Variants in FGD3 observed in about 807,000 individuals in gnomAD.
The protein encoded by FGD3 is FYVE, RhoGEF and PH domain containing 3.
FGD3 carries 45 observed loss-of-function variants against 71.8 expected under a neutral mutation model. The observed-to-expected ratio is 0.63, with a 90% CI of 0.49 to 0.80. The LOEUF (loss-of-function observed/expected upper bound fraction) is 0.80. Ranked by LOEUF, FGD3 falls within the 30% of genes least tolerant of loss-of-function variation. The pLI, the probability that FGD3 is intolerant of heterozygous loss-of-function variation, is 0.00. For synonymous variants in FGD3, 378 were observed against 392.8 expected, an observed-to-expected ratio of 0.96 and a Z score of 0.44; for missense variants, 844 against 951.5, an observed-to-expected ratio of 0.89 and a Z score of 1.49.
intron 1 of FGD3, among the ~76,000 whole-genome samples, chr9:92,972,938 C>G (rs951756968): frequency 6.6e-6 from 1 of 152,004 alleles, no homozygotes; most frequent in Non-Finnish European, 1.5e-5. Context: ...TAATGTGGGC[C>G]TTCTTACATT....
intron 3 of FGD3, among the ~76,000 whole-genome samples, chr9:92,978,095 C>A (rs1859837026): frequency 6.6e-6 from 1 of 152,000 alleles, no homozygotes; most frequent in South Asian, 2.1e-4. Flanking sequence ...CCAGCCTGAC[C>A]AACACGGAGA....
At chr9:93,017,493 A>G (rs917150117) in intron 10 of FGD3, among the ~76,000 whole-genome samples, 7 of 151,952 alleles carry the variant, frequency 4.6e-5, no homozygotes, top group African/African-American at 1.7e-4. Context: ...CAGTCCCCCA[A>G]CTACCCCACT....
intron 3 of FGD3, among the ~76,000 whole-genome samples, chr9:92,983,693 A>G (rs1410150100): frequency 2.0e-5 from 3 of 152,214 alleles, no homozygotes; most frequent in Non-Finnish European, 4.4e-5. Context: ...CCAATGTTCA[A>G]TTTATGGAAA....
chr9:93,014,896 G>C (rs1354913418), intron 9 of FGD3, among the ~76,000 whole-genome samples: 1 of 151,992 alleles, frequency 6.6e-6, no homozygotes, highest in Non-Finnish European at 1.5e-5. Flanking sequence ...CCCACCCAAA[G>C]TGCTGGGATT....
intron 3 of FGD3, among the ~76,000 whole-genome samples, chr9:92,995,454 A>G (rs1372278849): frequency 6.6e-6 from 1 of 152,140 alleles, no homozygotes; most frequent in Non-Finnish European, 1.5e-5. Context: ...TTCCTAATTG[A>G]ATATGCTTTA....
At chr9:92,952,660 C>A (rs1266846034) in intron 1 of FGD3, among the ~76,000 whole-genome samples, 1 of 152,006 alleles carries the variant, frequency 6.6e-6, no homozygotes, top group Admixed American at 6.6e-5. Context: ...CTCCTTCCCC[C>A]TCTTTCTCCT....
At chr9:93,014,486 C>T (rs2118764066) in intron 9 of FGD3, among the ~76,000 whole-genome samples, 1 of 151,974 alleles carries the variant, frequency 6.6e-6, no homozygotes. Flanking sequence ...CCTCTAGCTT[C>T]TGATTCTCCT....
At chr9:93,001,991 G>C (rs1860873373) in intron 3 of FGD3, among the ~76,000 whole-genome samples, 1 of 152,126 alleles carries the variant, frequency 6.6e-6, no homozygotes, top group South Asian at 2.1e-4. Flanking sequence ...CTATGTGAGG[G>C]GATAGTGTTC....
intron 1 of FGD3, among the ~76,000 whole-genome samples, chr9:92,972,145 T>C (rs1365842087): frequency 6.6e-6 from 1 of 151,876 alleles, no homozygotes; most frequent in Non-Finnish European, 1.5e-5. Context: ...TATTCCCTTT[T>C]TAAAAATGGT....
chr9:93,010,473 G>A, intron 7 of FGD3, 89 bp downstream of exon 7: 1 of 1,382,110 alleles, frequency 7.2e-7, no homozygotes, highest in South Asian at 1.4e-5. Flanking sequence ...GAGAGTCGTG[G>A]GGTCATGGGG....
intron 10 of FGD3, among the ~76,000 whole-genome samples, chr9:93,016,450 G>T (rs1861695930): frequency 6.8e-6 from 1 of 146,104 alleles, no homozygotes; most frequent in Admixed American, 7.3e-5. Flanking sequence ...GGATTCTCCT[G>T]CCTCACCCTC....
At chr9:93,029,757 C>CT in intron 14 of FGD3, 117 bp from the exon 15 acceptor site, 1 of 1,381,828 alleles carries the variant, frequency 7.2e-7, no homozygotes, top group Non-Finnish European at 9.8e-7. Context: ...GCATGTTCCA[C>CT]TTTTTGCCTT....
chr9:93,017,963 C>T (rs1364388828), intron 10 of FGD3, among the ~76,000 whole-genome samples, 173 bp from the exon 11 acceptor site: 2 of 152,166 alleles, frequency 1.3e-5, no homozygotes, highest in African/African-American at 4.8e-5. Context: ...TGGACCAGCT[C>T]ATGTAGCAGC....
chr9:93,002,348 C>T (rs1331108584), intron 3 of FGD3, among the ~76,000 whole-genome samples: 2 of 152,140 alleles, frequency 1.3e-5, no homozygotes, highest in South Asian at 4.1e-4. Context: ...TTTTGGGAGG[C>T]TGAGGCGGGC....
At position 93,032,893 on chromosome 9, in the gene FGD3, G is replaced by A; in HGVS notation, c.1785+20G>A. On this transcript the variant is annotated intron_variant, in intron 16 of 17. Coordinates refer to ENST00000375482, the MANE Select transcript of FGD3 (RefSeq NM_001083536.2). ...ACAGAGGTGGGTGCTCCCAGCTCCT[G>A]CTCCCCTCCTGGTGGCGCGGCAGAG... The A allele has an allele frequency of 2.5e-6, 4 of 1,607,278 alleles. No homozygotes were observed. Among genetic ancestry groups the A allele is most frequent in the Middle Eastern group, 3.3e-4 (2 of 6,050 alleles).
intron 15 of FGD3, among the ~76,000 whole-genome samples, chr9:93,030,915 G>A (rs1264350054): frequency 7.2e-5 from 11 of 152,130 alleles, no homozygotes; most frequent in Non-Finnish European, 1.3e-4. Flanking sequence ...ATGAATGGAA[G>A]TGGATATATA....
Position 92,976,569 on chromosome 9 carries a change from C to CT in FGD3, c.314dup (p.Ala107GlyfsTer26). 1 of 1,612,720 alleles carries CT rather than the reference C, an allele frequency of 6.2e-7. No individual in the cohort carries two copies. Among genetic ancestry groups the CT allele is most frequent in the Non-Finnish European group, 8.5e-7 (1 of 1,179,886 alleles). On this transcript the variant is annotated frameshift_variant, in exon 3 of 18. Coordinates refer to ENST00000375482, the MANE Select transcript of FGD3 (RefSeq NM_001083536.2). LOFTEE classifies it high-confidence loss of function. ...GGAGGCTGGCCCAAGCCCCACTGTACTGGGGGCGCACGCAGAGATGGCCCT... is the reference window on the plus strand; with the variant it reads ...GGAGGCTGGCCCAAGCCCCACTGTACTTGGGGGCGCACGCAGAGATGGCCCT...
intron 5 of FGD3, among the ~76,000 whole-genome samples, chr9:93,004,355 A>C (rs574734856): frequency 6.6e-6 from 1 of 152,342 alleles, no homozygotes; most frequent in Non-Finnish European, 1.5e-5. Context: ...CTGAGAAAGC[A>C]GATGATGCGG....
intron 8 of FGD3, among the ~76,000 whole-genome samples, chr9:93,011,557 G>A (rs1250317723): frequency 6.6e-6 from 1 of 152,222 alleles, no homozygotes; most frequent in Non-Finnish European, 1.5e-5. Context: ...TCTGTGGAGA[G>A]TAAAAGAATC....
Sources: gnomAD v4.1 joint callset for allele counts (sites outside exome capture counted in the v4.1 genomes callset) on GRCh38, gnomAD v4.1.1 for gene constraint, MANE v1.5 for transcripts, NCBI Gene and HGNC (gene_info 2026-07-23, HGNC 2026-07-21) for gene names.